The following CHRDL1 variants were observed in gnomAD, a reference collection of about 807,000 sequenced individuals.
The protein encoded by CHRDL1 is chordin-like protein 1.
In CHRDL1, 19 loss-of-function variants were observed where a neutral mutation model predicts 40.9. The ratio of observed to expected loss-of-function variants is 0.46; its 90% CI spans 0.32 to 0.68. The LOEUF (loss-of-function observed/expected upper bound fraction) is 0.68. Among genes scored for constraint, CHRDL1 ranks in the 30% least tolerant of loss-of-function variants. CHRDL1 has a pLI of 0.03. For missense variants in CHRDL1, 329 were observed against 352.1 expected, an observed-to-expected ratio of 0.93 and a Z score of 0.53; for synonymous variants, 136 against 123.4, an observed-to-expected ratio of 1.10 and a Z score of -0.68.
Position 110,689,468 on chromosome X carries a change from C to CTA in CHRDL1, c.779-667_779-666dup, listed in dbSNP as rs1473375711. ...TATATATCTATATATCTATATATAT[C>CTA]TATATATCTATATATCTATATCTCT... On this transcript the variant is annotated intron_variant, in intron 8 of 11. Transcript: ENST00000372042. Among the ~76,000 whole-genome samples, 5 of 49,038 alleles carry CTA rather than the reference C, an allele frequency of 1.0e-4. No individual in the cohort carries two copies. In the South Asian group the frequency reaches 1.9e-3, roughly 19 times the overall value. The allele number at this position is 49,038 out of a possible 115,157, so 42.6% of individuals were successfully genotyped here. A position where few individuals can be genotyped will look rare whatever the true frequency, so the allele number is the denominator to read the frequency against.
chrX:110,699,441 C>T (rs987839146), intron 7 of CHRDL1, among the ~76,000 whole-genome samples: 7 of 111,924 alleles, frequency 6.3e-5, no homozygotes, highest in African/African-American at 2.3e-4. Flanking sequence ...TCAATCCTTG[C>T]TGAGATTTTT....
intron 2 of CHRDL1, among the ~76,000 whole-genome samples, chrX:110,777,924 A>G (rs1279303295): frequency 3.6e-5 from 4 of 111,212 alleles, no homozygotes; most frequent in Non-Finnish European, 5.7e-5. Context: ...GTAATTGCCC[A>G]GAACAGAATA....
intron 6 of CHRDL1, among the ~76,000 whole-genome samples, chrX:110,701,410 T>C (rs1292168529): frequency 8.9e-6 from 1 of 111,870 alleles, no homozygotes; most frequent in Non-Finnish European, 1.9e-5. Context: ...AAATTATATA[T>C]ATGGCTGAAG....
intron 2 of CHRDL1, among the ~76,000 whole-genome samples, chrX:110,771,711 A>C (rs1447739262): frequency 9.0e-6 from 1 of 111,724 alleles, no homozygotes; most frequent in Non-Finnish European, 1.9e-5. Flanking sequence ...AAAAACCTAT[A>C]GCTAATATTA....
intron 2 of CHRDL1, among the ~76,000 whole-genome samples, chrX:110,789,881 A>T (rs1293731766): frequency 8.9e-6 from 1 of 111,849 alleles, no homozygotes; most frequent in Non-Finnish European, 1.9e-5. Flanking sequence ...TAATTTAAGA[A>T]ACTTAAAAAT....
At chrX:110,755,058 A>G (rs2089430451) in intron 4 of CHRDL1, among the ~76,000 whole-genome samples, 2 of 110,914 alleles carry the variant, frequency 1.8e-5, no homozygotes, top group Admixed American at 1.9e-4. Context: ...CATTCCCCCA[A>G]AAGAGAAGAT....
chrX:110,721,048 C>T (rs1450336867), intron 5 of CHRDL1, among the ~76,000 whole-genome samples: 1 of 111,668 alleles, frequency 9.0e-6, no homozygotes, highest in Non-Finnish European at 1.9e-5. Flanking sequence ...CATAGCATTC[C>T]CAAAGCTTCA....
chrX:110,738,952 C>T (rs947272686), intron 4 of CHRDL1, among the ~76,000 whole-genome samples: 7 of 111,390 alleles, frequency 6.3e-5, no homozygotes, highest in South Asian at 3.8e-4. Context: ...TCATTGCTCA[C>T]GATACCATTG....
chrX:110,686,654 A>G (rs10047007), intron 9 of CHRDL1, among the ~76,000 whole-genome samples: 52,045 of 108,391 alleles, frequency 0.48, 11,264 homozygotes, highest in African/African-American at 0.79. Context: ...TTGGCCGGAT[A>G]CAGTGGCTCA....
intron 2 of CHRDL1, among the ~76,000 whole-genome samples, chrX:110,770,286 T>C (rs1455805440): frequency 8.9e-6 from 1 of 111,976 alleles, no homozygotes; most frequent in Non-Finnish European, 1.9e-5. Context: ...TACAGGAAGA[T>C]AACCACTTTT....
In CHRDL1 at chrX:110,676,210, A is replaced by G. The variant is rs2069773719; in HGVS notation, c.*21T>C. 1.7e-6 allele frequency: 2 copies of G among 1,206,241 alleles called. No homozygotes were observed. The highest frequency in any genetic ancestry group is 3.5e-5 in the African/African-American group (2 of 57,582). ...AGCTTGAGTTTTCTTGCTTTACCCT[A>G]TCCAATACTGTCTGTCTTGCCTAAC... On this transcript the variant is annotated 3_prime_UTR_variant, in exon 12 of 12. Coordinates refer to ENST00000372042, the MANE Select transcript of CHRDL1 (RefSeq NM_001143981.2).
At chrX:110,760,943 G>A (rs1468457792) in intron 3 of CHRDL1, among the ~76,000 whole-genome samples, 1 of 110,883 alleles carries the variant, frequency 9.0e-6, no homozygotes, top group African/African-American at 3.3e-5. Flanking sequence ...GGTCTAAAGT[G>A]AATCCTCATT....
At chrX:110,700,085 A>G (rs1178609588) in intron 7 of CHRDL1, among the ~76,000 whole-genome samples, 1 of 112,322 alleles carries the variant, frequency 8.9e-6, no homozygotes, top group Non-Finnish European at 1.9e-5. Flanking sequence ...AAAGAACAAA[A>G]GATGCTATTA....
intron 2 of CHRDL1, among the ~76,000 whole-genome samples, chrX:110,769,204 A>C (rs1482354978): frequency 1.8e-5 from 2 of 112,107 alleles, no homozygotes; most frequent in Non-Finnish European, 3.8e-5. Context: ...GGTAAATTGA[A>C]TTTCCAAATC....
chrX:110,721,793 A>C lies in CHRDL1; in HGVS notation c.302-263T>G, dbSNP rs185635629. ...TTTGTTGACCATTTACTGAGCACCT[A>C]CTATGTGCCAGGAATTGTAATATGT... is the stretch of plus-strand genomic sequence containing the variant. On this transcript the variant is annotated intron_variant, in intron 4 of 11. Coordinates refer to ENST00000372042, the MANE Select transcript of CHRDL1 (RefSeq NM_001143981.2). Among the ~76,000 whole-genome samples, 8 of 112,338 alleles carry C rather than the reference A, an allele frequency of 7.1e-5. No individual in the cohort carries two copies. The South Asian group carries it at 3.0e-3, about 42-fold the overall frequency.
At position 110,689,440 on chromosome X, in the gene CHRDL1, CTATAT is replaced by C. The variant is rs1569461453; in HGVS notation, c.779-642_779-638del. Among the ~76,000 whole-genome samples the C allele has an allele frequency of 2.9e-3, 169 of 57,803 alleles. 5 individuals are homozygous for C. In the African/African-American group the frequency reaches 0.033, roughly 11 times the overall value. 50.2% of individuals were successfully genotyped at this position (57,803 alleles called of 115,157 possible). A position where few individuals can be genotyped will look rare whatever the true frequency, so the allele number is the denominator to read the frequency against. On this transcript the variant is annotated intron_variant, in intron 8 of 11. Coordinates refer to ENST00000372042, the MANE Select transcript of CHRDL1 (RefSeq NM_001143981.2). The stretch of plus-strand genomic sequence containing the variant: ...TATATATATCTATATATCTATATAT[CTATAT>C]ATATCTATATATCTATATATATCTA...
chrX:110,748,008 A>T (rs1264654195), intron 4 of CHRDL1, among the ~76,000 whole-genome samples: 1 of 111,767 alleles, frequency 8.9e-6, no homozygotes. Flanking sequence ...TATGCCTGGA[A>T]CTACTTTTTT....
chrX:110,722,050 G>C (rs1174954210), intron 4 of CHRDL1, among the ~76,000 whole-genome samples: 1 of 111,853 alleles, frequency 8.9e-6, no homozygotes, highest in Non-Finnish European at 1.9e-5. Context: ...CCAGGCTGGA[G>C]TGCATGGTGC....
rs746241487 is a variant in CHRDL1 at position 110,748,809 on chromosome X, G to GTC, written c.301+10851_301+10852insGA. ...GTCAAATTCATAGAGACAGGAAGTA[G>GTC]AAAGTGAGGAGTTAGTGTTTAATGG... On this transcript the variant is annotated intron_variant, in intron 4 of 11. Coordinates refer to ENST00000372042, the MANE Select transcript of CHRDL1 (RefSeq NM_001143981.2). 4.9e-3 allele frequency among the ~76,000 whole-genome samples: 553 copies of GTC among 112,615 alleles called. 2 individuals are homozygous for GTC. The highest frequency in any genetic ancestry group is 7.7e-3 in the Non-Finnish European group (408 of 53,320).
Sources: gnomAD v4.1 joint callset for allele counts (sites outside exome capture counted in the v4.1 genomes callset) on GRCh38, gnomAD v4.1.1 for gene constraint, MANE v1.5 for transcripts, NCBI Gene and HGNC (gene_info 2026-07-23, HGNC 2026-07-21) for gene names.